Variants in ONECUT3 observed in about 807,000 individuals in gnomAD.
ONECUT3 encodes one cut homeobox 3.
In ONECUT3, 11 loss-of-function variants were observed where a neutral mutation model predicts 16.8. The observed-to-expected ratio is 0.66, with a 90% confidence interval of 0.41 to 1.09. ONECUT3 has a LOEUF of 1.09. ONECUT3 is among the 50% of genes least tolerant of loss of function. The probability of loss-of-function intolerance (pLI) is 0.00; values close to 1 mark genes in which losing one functional copy is unlikely to be tolerated. For missense variants in ONECUT3, 637 were observed against 629.9 expected, an observed-to-expected ratio of 1.01 and a Z score of -0.12; for synonymous variants, 344 against 310.7, an observed-to-expected ratio of 1.11 and a Z score of -1.13.
In ONECUT3 at chr19:1,754,451, G is replaced by C; in HGVS notation, c.789G>C (p.Leu263=). ...CGGAGGACGCACTGGCCCGCGGGCT[G>C]CCCGGAGGCGGCGGCGGCACAGGCA... is the stretch of plus-strand genomic sequence containing the variant. ...GRAEDALARG[L]PGGGGGTGSG... Residue 263 remains leucine, a synonymous_variant, in exon 1 of 2, where the codon CTG becomes CTC. Coordinates refer to ENST00000382349, the MANE Select transcript of ONECUT3 (RefSeq NM_001080488.2). This position sits in a 1 kb window ranked among gnomAD's most constrained non-coding sequence, Gnocchi z 7.4. 1.0e-6 allele frequency: 1 copy of C among 989,024 alleles called. No individual in the cohort carries two copies. The highest frequency in any genetic ancestry group is 1.2e-6 in the Non-Finnish European group (1 of 834,094). 61.3% of individuals were successfully genotyped at this position (989,024 alleles called of 1,614,324 possible).
intron 1 of ONECUT3, among the ~76,000 whole-genome samples, chr19:1,761,543 C>T (rs1005348978): frequency 6.6e-5 from 10 of 152,174 alleles, no homozygotes; most frequent in African/African-American, 2.4e-4. Flanking sequence ...GACTTCTGGC[C>T]GGTGGGACCA....
chr19:1,756,926 C>T (rs1244662615), intron 1 of ONECUT3, among the ~76,000 whole-genome samples: 1 of 152,140 alleles, frequency 6.6e-6, no homozygotes, highest in African/African-American at 2.4e-5. Flanking sequence ...CCGATACCCA[C>T]CACCTCCTGC....
At position 1,764,802 on chromosome 19, in the gene ONECUT3, G is replaced by T. The variant is rs964338217; in HGVS notation, c.1192+9948G>T. Among the ~76,000 whole-genome samples, 6 of 149,788 alleles carry T rather than the reference G, an allele frequency of 4.0e-5. No individual in the cohort carries two copies. The highest frequency in any genetic ancestry group is 5.9e-5 in the Non-Finnish European group (4 of 67,342). On this transcript the variant is annotated intron_variant, in intron 1 of 1. Coordinates refer to ENST00000382349, the MANE Select transcript of ONECUT3 (RefSeq NM_001080488.2). This position sits in a 1 kb window ranked among gnomAD's most constrained non-coding sequence, Gnocchi z 5.0. ...GACTCGAGTCTGGAGAGGCCACGGGGGGGGGATGCGCAGGGGGGACAAGAC... is the reference window on the plus strand; with the variant it reads ...GACTCGAGTCTGGAGAGGCCACGGGTGGGGGATGCGCAGGGGGGACAAGAC...
intron 1 of ONECUT3, among the ~76,000 whole-genome samples, chr19:1,761,544 G>A (rs1040821328): frequency 5.9e-5 from 9 of 152,242 alleles, no homozygotes; most frequent in Non-Finnish European, 1.3e-4. Context: ...ACTTCTGGCC[G>A]GTGGGACCAG....
rs1005052596 is a variant in ONECUT3 at position 1,775,685 on chromosome 19, C to CA, written c.*240_*241insA. 2 of 392,244 alleles carry CA rather than the reference C, an allele frequency of 5.1e-6. No individual in the cohort carries two copies. Among genetic ancestry groups the CA allele is most frequent in the African/African-American group, 4.3e-5 (2 of 47,016 alleles). 24.3% of individuals were successfully genotyped at this position (392,244 alleles called of 1,614,324 possible). A position where few individuals can be genotyped will look rare whatever the true frequency, so the allele number is the denominator to read the frequency against. ...CCAGGCCAAAGGAAGCCCTCCACCCCCCCCCGGAGGGGAGGGAGTGACAGA... is the reference window on the plus strand; with the variant it reads ...CCAGGCCAAAGGAAGCCCTCCACCCCACCCCCGGAGGGGAGGGAGTGACAGA... On this transcript the variant is annotated 3_prime_UTR_variant, in exon 2 of 2. Coordinates refer to ENST00000382349, the MANE Select transcript of ONECUT3 (RefSeq NM_001080488.2).
intron 1 of ONECUT3, among the ~76,000 whole-genome samples, chr19:1,768,252 T>C (rs1296104334): frequency 6.9e-6 from 1 of 144,564 alleles, no homozygotes; most frequent in Non-Finnish European, 1.5e-5. Flanking sequence ...GGGAAGGAGA[T>C]ACCTGAGCAG....
At chr19:1,756,871 A>T (rs2067919018) in intron 1 of ONECUT3, among the ~76,000 whole-genome samples, 2 of 151,844 alleles carry the variant, frequency 1.3e-5, no homozygotes, top group South Asian at 2.1e-4. Flanking sequence ...TTTAAACACC[A>T]ACTGGTTGCC....
rs55658128 is a variant in ONECUT3 at position 1,758,300 on chromosome 19, CA to C, written c.1192+3462del. ...GAGACGAAAAGAGAGGCAGAGAGAC[CA>C]AAAAAAAAAAAAAAAGAGAGAGAGA... On this transcript the variant is annotated intron_variant, in intron 1 of 1. Coordinates refer to ENST00000382349, the MANE Select transcript of ONECUT3 (RefSeq NM_001080488.2). This position sits in a 1 kb window ranked among gnomAD's most constrained non-coding sequence, Gnocchi z 5.9. Among the ~76,000 whole-genome samples the C allele has an allele frequency of 0.15, 18,340 of 121,162 alleles. 1,441 individuals are homozygous for C. The highest frequency in any genetic ancestry group is 0.29 in the Middle Eastern group (67 of 232). 79.5% of individuals were successfully genotyped at this position (121,162 alleles called of 152,430 possible).
intron 1 of ONECUT3, among the ~76,000 whole-genome samples, chr19:1,757,834 C>T (rs78777741): frequency 0.18 from 27,475 of 152,156 alleles, 3,184 homozygotes; most frequent in East Asian, 0.35. Context: ...AACACGGCGA[C>T]GCCCCAACGC....
Position 1,777,305 on chromosome 19 carries a change from G to A in ONECUT3, c.*1860G>A, listed in dbSNP as rs539931750. On this transcript the variant is annotated 3_prime_UTR_variant, in exon 2 of 2. Coordinates refer to ENST00000382349, the MANE Select transcript of ONECUT3 (RefSeq NM_001080488.2). The stretch of plus-strand genomic sequence containing the variant: ...CAGACACACATGCAGACACACACAT[G>A]CAGACAACACGCAGACACACACATG... 8.4e-4 allele frequency: 126 copies of A among 150,544 alleles called. No individual in the cohort carries two copies. The highest frequency in any genetic ancestry group is 2.9e-3 in the African/African-American group (121 of 41,370). 9.3% of individuals were successfully genotyped at this position (150,544 alleles called of 1,614,324 possible).
At chr19:1,771,498 C>G (rs148260675) in intron 1 of ONECUT3, among the ~76,000 whole-genome samples, 4 of 152,184 alleles carry the variant, frequency 2.6e-5, no homozygotes, top group Non-Finnish European at 4.4e-5. Context: ...ACTTTGAAAG[C>G]CTTGCTCTGT....
At position 1,777,719 on chromosome 19, in the gene ONECUT3, G is replaced by A. The variant is rs12462924; in HGVS notation, c.*2274G>A. On this transcript the variant is annotated 3_prime_UTR_variant, in exon 2 of 2. Coordinates refer to ENST00000382349, the MANE Select transcript of ONECUT3 (RefSeq NM_001080488.2). ...TTTAAAAAGCTTTAGGTCTTGCCGG[G>A]CGCGGTGGTTCACGCCTGGAATCCC... 0.28 allele frequency: 42,685 copies of A among 151,970 alleles called. 6,368 individuals carry two copies. Among genetic ancestry groups the A allele is most frequent in the East Asian group, 0.44 (2,288 of 5,160 alleles). The allele number at this position is 151,970 out of a possible 1,614,324, so 9.4% of individuals were successfully genotyped here. A position where few individuals can be genotyped will look rare whatever the true frequency, so the allele number is the denominator to read the frequency against.
chr19:1,756,173 T>A (rs2067915388), intron 1 of ONECUT3, among the ~76,000 whole-genome samples: 1 of 151,780 alleles, frequency 6.6e-6, no homozygotes, highest in Non-Finnish European at 1.5e-5. Context: ...AGAAAGCCAT[T>A]CCCTCCCTCC....
chr19:1,762,249 C>A lies in ONECUT3; in HGVS notation c.1192+7395C>A, dbSNP rs1415157888. On this transcript the variant is annotated intron_variant, in intron 1 of 1. Coordinates refer to ENST00000382349, the MANE Select transcript of ONECUT3 (RefSeq NM_001080488.2). The surrounding 1 kb of genome is among the most constrained non-coding windows in gnomAD (Gnocchi z 4.4). ...GCGCCCCCAGCTGCGCCCGCCAGCC[C>A]TCCAACCCTCCTGCCCTCCTGCCCT... Among the ~76,000 whole-genome samples, 1 of 152,210 alleles carries A rather than the reference C, an allele frequency of 6.6e-6. No individual in the cohort carries two copies. Among genetic ancestry groups the A allele is most frequent in the Non-Finnish European group, 1.5e-5 (1 of 68,024 alleles).
In ONECUT3 at chr19:1,754,560, G is replaced by T; in HGVS notation, c.898G>T (p.Gly300Trp). The T allele has an allele frequency of 9.6e-7, 1 of 1,045,510 alleles. No individual in the cohort carries two copies. The highest frequency in any genetic ancestry group is 1.1e-6 in the Non-Finnish European group (1 of 870,848). 64.8% of individuals were successfully genotyped at this position (1,045,510 alleles called of 1,614,324 possible). ...GGCGGCCGGGGCGCACGGGCCGCAC[G>T]GGGGAGGCGGCGGCCCCGGCGGGAG... ...LAAAGAHGPH[G>W]GGGGPGGSGG... is the part of the protein sequence containing the mutation. Residue 300 changes from glycine to tryptophan, a missense_variant, in exon 1 of 2, where the codon GGG becomes TGG. Around this residue, in one of 3 missense-constraint regions of ONECUT3, gnomAD observed 419 missense variants for 377.9 expected, o/e 1.11. Transcript: ENST00000382349. This position sits in a 1 kb window ranked among gnomAD's most constrained non-coding sequence, Gnocchi z 7.4.
At chr19:1,761,045 C>CTTT (rs547570248) in intron 1 of ONECUT3, among the ~76,000 whole-genome samples, 8 of 84,030 alleles carry the variant, frequency 9.5e-5, no homozygotes, top group African/African-American at 1.9e-4. Flanking sequence ...CATTCCTGCT[C>CTTT]TTTTTTTTTT....
rs2068121457 is a variant in ONECUT3 at position 1,777,496 on chromosome 19, GCC to G, written c.*2054_*2055del. 2 of 139,522 alleles carry G rather than the reference GCC, an allele frequency of 1.4e-5. No homozygotes were observed. The highest frequency in any genetic ancestry group is 2.4e-4 in the East Asian group (1 of 4,186). The allele number at this position is 139,522 out of a possible 1,614,324, so 8.6% of individuals were successfully genotyped here. ...CATGCACACACACATACACACACTG[GCC>G]CCTGTTTTTCTGTGGTGTCACTGGG... is the stretch of plus-strand genomic sequence containing the variant. On this transcript the variant is annotated 3_prime_UTR_variant, in exon 2 of 2. Transcript: ENST00000382349.
chr19:1,761,615 G>A (rs1319978220), intron 1 of ONECUT3, among the ~76,000 whole-genome samples: 5 of 152,196 alleles, frequency 3.3e-5, no homozygotes, highest in Non-Finnish European at 5.9e-5. Flanking sequence ...AGGCTGAGCC[G>A]GGCAGGTAGC....
At position 1,763,739 on chromosome 19, in the gene ONECUT3, T is replaced by TTG. The variant is rs200066262; in HGVS notation, c.1192+8886_1192+8887insGT. On this transcript the variant is annotated intron_variant, in intron 1 of 1. Transcript: ENST00000382349. ...TTTTTATTTCCCTTTTTTGTTTTTTTTTTTTTTTTAACAGAAAGGGGAGCT... is the reference window on the plus strand; with the variant it reads ...TTTTTATTTCCCTTTTTTGTTTTTTTTGTTTTTTTTTAACAGAAAGGGGAGCT... Among the ~76,000 whole-genome samples the TTG allele has an allele frequency of 9.8e-3, 1,457 of 148,932 alleles. 14 individuals carry two copies. The highest frequency in any genetic ancestry group is 0.014 in the Non-Finnish European group (967 of 67,746).
Sources: gnomAD v4.1 joint callset for allele counts (sites outside exome capture counted in the v4.1 genomes callset) on GRCh38, gnomAD v4.1.1 for gene constraint, gnomAD v4.1.1 regional missense constraint, Gnocchi (gnomAD v3.1) non-coding constraint, MANE v1.5 for transcripts, NCBI Gene and HGNC (gene_info 2026-07-23, HGNC 2026-07-21) for gene names.